Variants in CINP observed in about 807,000 individuals in gnomAD.
CINP encodes the protein cyclin dependent kinase 2 interacting protein.
Under a neutral mutation model 20.5 loss-of-function variants are expected in CINP, and 11 were observed. The observed-to-expected ratio is 0.54, with a 90% CI of 0.34 to 0.89. The LOEUF (loss-of-function observed/expected upper bound fraction) is 0.89. Ranked by LOEUF, CINP falls within the 40% of genes least tolerant of loss-of-function variation. CINP has a pLI of 0.02. For missense variants in CINP, 213 were observed against 251.0 expected (o/e 0.85, Z 1.02); for synonymous variants, 108 against 102.1 (o/e 1.06, Z -0.35).
At chr14:102,361,392 C>T (rs766374636) in intron 1 of CINP, among the ~76,000 whole-genome samples, 3 of 152,204 alleles carry the variant, frequency 2.0e-5, no homozygotes, top group Non-Finnish European at 4.4e-5. Context: ...GTAATCCCAG[C>T]ACTTCAGGAG....
chr14:102,358,366 G>A (rs1887045121), intron 2 of CINP, among the ~76,000 whole-genome samples: 2 of 152,174 alleles, frequency 1.3e-5, no homozygotes, highest in South Asian at 2.1e-4. Flanking sequence ...TACATTACAC[G>A]CATGGCTTCC....
At chr14:102,357,437 A>C (rs1489316618) in intron 2 of CINP, among the ~76,000 whole-genome samples, 2 of 151,236 alleles carry the variant, frequency 1.3e-5, no homozygotes, top group Admixed American at 1.3e-4. Flanking sequence ...CTCTTGTGCC[A>C]AACAGTTGGC....
chr14:102,357,384 C>A (rs117496489), intron 2 of CINP, among the ~76,000 whole-genome samples: 328 of 111,340 alleles, frequency 2.9e-3, no homozygotes, highest in Middle Eastern at 5.0e-3. Flanking sequence ...TCCATCTCTA[C>A]AAAAAAAAAA....
At position 102,351,035 on chromosome 14, in the gene CINP, A is replaced by G. The variant is rs1048097167; in HGVS notation, c.307-987T>C. 1.3e-5 allele frequency among the ~76,000 whole-genome samples: 2 copies of G among 152,066 alleles called. No individual in the cohort carries two copies. The highest frequency in any genetic ancestry group is 4.8e-5 in the African/African-American group (2 of 41,404). On this transcript the variant is annotated intron_variant, in intron 3 of 4. Coordinates refer to ENST00000216756, the MANE Select transcript of CINP (RefSeq NM_032630.3). The surrounding 1 kb of genome is among the most constrained non-coding windows in gnomAD (Gnocchi z 4.2). ...GAGACGGGGTTTCACCATGTTGGCC[A>G]GGCTGGTCTTGATCTCCTGAACTCG...
In CINP at chr14:102,351,237, G is replaced by A. The variant is rs1176434988; in HGVS notation, c.307-1189C>T. Among the ~76,000 whole-genome samples, 4 of 152,182 alleles carry A rather than the reference G, an allele frequency of 2.6e-5. No individual in the cohort carries two copies. The highest frequency in any genetic ancestry group is 4.8e-5 in the African/African-American group (2 of 41,442). ...CACTTCACGCAGAAAGGAAGGAAAC[G>A]TGGCAAGCTGCCATTGACGGTCCCT... On this transcript the variant is annotated intron_variant, in intron 3 of 4. Coordinates refer to ENST00000216756, the MANE Select transcript of CINP (RefSeq NM_032630.3). The surrounding 1 kb of genome is among the most constrained non-coding windows in gnomAD (Gnocchi z 4.2).
At chr14:102,356,026 C>T in intron 2 of CINP, 129 bp from the exon 3 acceptor site, 1 of 916,046 alleles carries the variant, frequency 1.1e-6, no homozygotes. Flanking sequence ...ATTGTTCTTT[C>T]ATATCATTAT....
chr14:102,355,812 GT>G lies in CINP; in HGVS notation c.261del (p.Glu87AspfsTer16). On this transcript the variant is annotated frameshift_variant, in exon 3 of 5. Coordinates refer to ENST00000216756, the MANE Select transcript of CINP (RefSeq NM_032630.3). LOFTEE classifies it high-confidence loss of function. ...TGCAGTTCCTCACACAGCTTCTCCA[GT>G]TCCTCGTTATATTCCAGACACACCT... ...EEKVCLEYNE[E>X]LEKLCEELQA... The G allele has an allele frequency of 6.2e-7, 1 of 1,614,134 alleles. No individual in the cohort carries two copies. The highest frequency in any genetic ancestry group is 8.5e-7 in the Non-Finnish European group (1 of 1,180,008).
At chr14:102,357,892 C>T (rs1887034503) in intron 2 of CINP, among the ~76,000 whole-genome samples, 1 of 152,222 alleles carries the variant, frequency 6.6e-6, no homozygotes, top group Non-Finnish European at 1.5e-5. Context: ...ACATGCCATC[C>T]AAGACATTCA....
At position 102,355,915 on chromosome 14, in the gene CINP, T is replaced by G; in HGVS notation, c.177-18A>C. The G allele has an allele frequency of 6.2e-7, 1 of 1,613,134 alleles. No homozygotes were observed. The highest frequency in any genetic ancestry group is 1.1e-5 in the South Asian group (1 of 90,950). On this transcript the variant is annotated intron_variant, in intron 2 of 4. Transcript: ENST00000216756. ...CTTTATTCCTAAACAAAATAGAAAA[T>G]AATGTGTACAAAATATACTCTTTAA...
intron 4 of CINP, among the ~76,000 whole-genome samples, chr14:102,349,261 G>A (rs533925344): frequency 1.3e-5 from 2 of 152,152 alleles, no homozygotes; most frequent in South Asian, 4.1e-4. Flanking sequence ...CTCAAAAAAA[G>A]TATATATAAC....
chr14:102,355,825 T>G lies in CINP; in HGVS notation c.249A>C (p.Glu83Asp). The change falls in exon 3 of 5, where the codon GAA (glutamate) becomes GAC (aspartate). Residue 83 changes from glutamate to aspartate, a missense_variant. Physicochemically the swap from Glu to Asp is conservative, Grantham distance 45 (BLOSUM62 2). Coordinates refer to ENST00000216756, the MANE Select transcript of CINP (RefSeq NM_032630.3). Reference sequence around the variant, plus strand: ...ACAGCTTCTCCAGTTCCTCGTTATATTCCAGACACACCTTTTCTTCATTTT... The same window carrying G: ...ACAGCTTCTCCAGTTCCTCGTTATAGTCCAGACACACCTTTTCTTCATTTT... ...SKENEEKVCL[E>D]YNEELEKLCE... 1 of 1,614,206 alleles carries G rather than the reference T, an allele frequency of 6.2e-7. No individual in the cohort carries two copies. The highest frequency in any genetic ancestry group is 1.1e-5 in the South Asian group (1 of 91,082).
intron 2 of CINP, 27 bp downstream of exon 2, chr14:102,359,392 G>C (rs2139634570): frequency 2.0e-6 from 3 of 1,520,324 alleles, no homozygotes; most frequent in Non-Finnish European, 2.7e-6. Flanking sequence ...GAAAAACTTA[G>C]AGCATGAAAA....
intron 3 of CINP, among the ~76,000 whole-genome samples, chr14:102,354,197 T>A (rs1471420899): frequency 6.6e-6 from 1 of 152,204 alleles, no homozygotes; most frequent in Non-Finnish European, 1.5e-5. Context: ...TAAGGTGGTG[T>A]TATCTTCACA....
intron 1 of CINP, 54 bp from the exon 2 acceptor site, chr14:102,359,641 T>C: frequency 7.4e-7 from 1 of 1,359,118 alleles, no homozygotes; most frequent in South Asian, 1.4e-5. Context: ...CAATCATAGT[T>C]GGAGGGCAAA....
In CINP at chr14:102,361,816, G is replaced by A. The variant is rs115186801; in HGVS notation, c.7+1029C>T. The stretch of plus-strand genomic sequence containing the variant: ...GAGTGAGCAATGAGCTCTGGATAGG[G>A]CAGTGAAATTATCTGATTTAGGTTT... On this transcript the variant is annotated intron_variant, in intron 1 of 4. Coordinates refer to ENST00000216756, the MANE Select transcript of CINP (RefSeq NM_032630.3). Among the ~76,000 whole-genome samples the A allele has an allele frequency of 4.5e-3, 691 of 152,272 alleles. 7 individuals are homozygous for A. The highest frequency in any genetic ancestry group is 0.016 in the African/African-American group (656 of 41,542).
At position 102,351,601 on chromosome 14, in the gene CINP, TA is replaced by T. The variant is rs2139626652; in HGVS notation, c.307-1554del. Among the ~76,000 whole-genome samples the T allele has an allele frequency of 6.6e-6, 1 of 152,172 alleles. No individual in the cohort carries two copies. Among genetic ancestry groups the T allele is most frequent in the East Asian group, 1.9e-4 (1 of 5,178 alleles). Reference sequence around the variant, plus strand: ...AAAAGGGGAAATAAGAAAAGATATATAAATTGTCAAATATCTTAATTCCTTT... The same window carrying T: ...AAAAGGGGAAATAAGAAAAGATATATAATTGTCAAATATCTTAATTCCTTT... On this transcript the variant is annotated intron_variant, in intron 3 of 4. Coordinates refer to ENST00000216756, the MANE Select transcript of CINP (RefSeq NM_032630.3). The surrounding 1 kb of genome is among the most constrained non-coding windows in gnomAD (Gnocchi z 4.2).
rs755617740 is a variant in CINP, at chr14:102,359,439, G to C, written c.156C>G (p.Ala52=). The C allele has an allele frequency of 6.3e-7, 1 of 1,599,076 alleles. No individual in the cohort carries two copies. Among genetic ancestry groups the C allele is most frequent in the Non-Finnish European group, 8.5e-7 (1 of 1,172,418 alleles). ...CTTACAATAAACTGATTTTCAAGTT[G>C]GCAATATTATTTGCAGTGGTAAAAC... The part of the protein sequence containing the change: ...DAGFTTANNI[A]NLKISLLNKD... The change falls in exon 2 of 5, where the codon GCC becomes GCG. Residue 52 remains alanine, a synonymous_variant. Transcript: ENST00000216756.
At chr14:102,349,812 T>C in intron 4 of CINP, 107 bp downstream of exon 4, 1 of 1,348,118 alleles carries the variant, frequency 7.4e-7, no homozygotes, top group Non-Finnish European at 1.0e-6. Flanking sequence ...ACTTTTGCAT[T>C]GAATTTGAAA....
At chr14:102,349,272 C>A (rs1886815407) in intron 4 of CINP, among the ~76,000 whole-genome samples, 1 of 152,042 alleles carries the variant, frequency 6.6e-6, no homozygotes, top group Non-Finnish European at 1.5e-5. Context: ...TATATATAAC[C>A]TTTTCTACTT....
Sources: allele counts gnomAD v4.1 joint callset (sites outside exome capture counted in the v4.1 genomes callset), GRCh38; gene constraint gnomAD v4.1.1; non-coding constraint Gnocchi (gnomAD v3.1); transcripts MANE v1.5; gene names NCBI Gene and HGNC (gene_info 2026-07-23, HGNC 2026-07-21).